Variants in TXNDC11 observed in about 807,000 individuals in gnomAD.
TXNDC11 encodes the protein thioredoxin domain containing 11, also known as thioredoxin domain-containing protein 11.
A neutral mutation model predicts 78.0 loss-of-function variants in TXNDC11; 68 were observed. The observed-to-expected ratio is 0.87, with a 90% CI of 0.72 to 1.07. The LOEUF (loss-of-function observed/expected upper bound fraction) is 1.07, where lower values mean the gene tolerates loss of function less well. Among genes scored for constraint, TXNDC11 ranks in the 50% least tolerant of loss-of-function variants. TXNDC11 has a pLI of 0.00. For synonymous variants in TXNDC11, 571 were observed against 495.2 expected (o/e 1.15, Z -2.03); for missense variants, 1,389 against 1,221.8 (o/e 1.14, Z -2.04).
rs36041908 is a variant in TXNDC11 at position 11,696,025 on chromosome 16, C to CAA, written c.1107+2098_1107+2099dup. On this transcript the variant is annotated intron_variant, in intron 7 of 11. Transcript: ENST00000283033. ...TGGGCAACAAAGGAAGACCCTAACT[C>CAA]AAAAAAAAAAAAAAGAGAAGACAAA... Among the ~76,000 whole-genome samples, 568 of 133,764 alleles carry CAA rather than the reference C, an allele frequency of 4.2e-3. 3 individuals carry two copies. The highest frequency in any genetic ancestry group is 0.014 in the African/African-American group (518 of 37,312). The allele number at this position is 133,764 out of a possible 152,430, so 87.8% of individuals were successfully genotyped here.
At chr16:11,692,157 T>C in intron 7 of TXNDC11, 75 bp from the exon 8 acceptor site, 2 of 1,186,804 alleles carry the variant, frequency 1.7e-6, no homozygotes, top group South Asian at 1.7e-5. Context: ...CACGTTTCAC[T>C]TTCTGTAATT....
chr16:11,737,851 CAAAAAAAAA>C (rs538318388), intron 1 of TXNDC11, among the ~76,000 whole-genome samples: 1 of 54,182 alleles, frequency 1.8e-5, no homozygotes, highest in African/African-American at 7.2e-5. Context: ...CTACGTCTCT[CAAAAAAAAA>C]AAAAAAAAAA....
chr16:11,726,579 CAAAAA>C (rs35512803), intron 4 of TXNDC11, among the ~76,000 whole-genome samples: 2 of 82,998 alleles, frequency 2.4e-5, no homozygotes, highest in Admixed American at 1.5e-4. Context: ...GACTCCACCT[CAAAAA>C]AAAAAAAAAA....
At chr16:11,733,858 T>C (rs938636022) in intron 3 of TXNDC11, 124 bp downstream of exon 3, 4 of 674,072 alleles carry the variant, frequency 5.9e-6, no homozygotes, top group Non-Finnish European at 1.0e-5. Flanking sequence ...TAATTTTTGC[T>C]TATCTGTATT....
chr16:11,715,689 T>G (rs1382874560), intron 5 of TXNDC11, among the ~76,000 whole-genome samples: 1 of 152,140 alleles, frequency 6.6e-6, no homozygotes. Context: ...GCCATCAAGG[T>G]CCTCAGTAAA....
At chr16:11,707,043 G>A (rs1443388965) in intron 5 of TXNDC11, among the ~76,000 whole-genome samples, 11 of 151,932 alleles carry the variant, frequency 7.2e-5, no homozygotes, top group African/African-American at 2.2e-4. Flanking sequence ...GTATATTTGG[G>A]GATCCTAGAA....
chr16:11,733,505 C>A (rs1210308422), intron 3 of TXNDC11, among the ~76,000 whole-genome samples: 1 of 151,042 alleles, frequency 6.6e-6, no homozygotes, highest in East Asian at 1.9e-4. Flanking sequence ...CCAGCCTGGG[C>A]AACAGAGTGA....
At chr16:11,704,948 C>T (rs1002265781) in intron 5 of TXNDC11, among the ~76,000 whole-genome samples, 6 of 150,378 alleles carry the variant, frequency 4.0e-5, no homozygotes, top group African/African-American at 1.2e-4. Flanking sequence ...CTTGTTCTGT[C>T]GCCCAGGCTG....
intron 1 of TXNDC11, chr16:11,742,201 C>A: frequency 2.5e-6 from 1 of 402,484 alleles, no homozygotes; most frequent in Non-Finnish European, 4.4e-6. Flanking sequence ...GTGACTCCAA[C>A]AGGTGAGGAG....
chr16:11,679,873 C>T lies in TXNDC11; in HGVS notation c.2235-36G>A. On this transcript the variant is annotated intron_variant, in intron 11 of 11. Coordinates refer to ENST00000283033, the MANE Select transcript of TXNDC11 (RefSeq NM_015914.7). The surrounding 1 kb of genome is among the most constrained non-coding windows in gnomAD (Gnocchi z 4.6). ...AGGGAAAGGAAGCAAAGACAGGAGT[C>T]ACACCAACACAATGAGTCCAAAAGC... is the stretch of plus-strand genomic sequence containing the variant. 1 of 1,570,688 alleles carries T rather than the reference C, an allele frequency of 6.4e-7. No individual in the cohort carries two copies. The highest frequency in any genetic ancestry group is 8.7e-7 in the Non-Finnish European group (1 of 1,151,708).
At chr16:11,736,812 T>C (rs1410916496) in intron 1 of TXNDC11, among the ~76,000 whole-genome samples, 2 of 152,144 alleles carry the variant, frequency 1.3e-5, no homozygotes, top group Non-Finnish European at 2.9e-5. Context: ...TGAAGATAAG[T>C]AACAAAGCAA....
rs904040776 is a variant in TXNDC11 at position 11,742,536 on chromosome 16, C to A, written c.195G>T (p.Leu65=). ...AGCCGAGCGCCACGGCCCCGCAGAG[C>A]AGCTCCGGCCGCTGGCGCGCCATGA... The part of the protein sequence containing the change: ...AFLMARQRPE[L]LCGAVALGCA... Residue 65 remains leucine (L), a synonymous_variant, in exon 1 of 12, where the codon CTG becomes CTT. Transcript: ENST00000283033. 3.2e-5 allele frequency: 47 copies of A among 1,459,502 alleles called. No homozygotes were observed. The highest frequency in any genetic ancestry group is 4.0e-5 in the Non-Finnish European group (45 of 1,113,454). 90.4% of individuals were successfully genotyped at this position (1,459,502 alleles called of 1,614,324 possible). A position where few individuals can be genotyped will look rare whatever the true frequency, so the allele number is the denominator to read the frequency against.
chr16:11,711,842 C>T (rs949045189), intron 5 of TXNDC11, among the ~76,000 whole-genome samples: 14 of 152,194 alleles, frequency 9.2e-5, no homozygotes, highest in African/African-American at 3.4e-4. Context: ...ACACTTCCTA[C>T]TTCAAAGGGT....
chr16:11,707,020 T>C (rs1190484962), intron 5 of TXNDC11, among the ~76,000 whole-genome samples: 1 of 152,144 alleles, frequency 6.6e-6, no homozygotes, highest in Non-Finnish European at 1.5e-5. Context: ...GGGACTTGAG[T>C]ATGCAAATTC....
In TXNDC11 at chr16:11,721,362, A is replaced by G. The variant is rs148522234; in HGVS notation, c.793+215T>C. On this transcript the variant is annotated intron_variant, in intron 5 of 11. Transcript: ENST00000283033. Reference sequence around the variant, plus strand: ...AGGCTGAGGCAGGAGAATCGCTTGAACCCGGGAGGCAGATTCCAGTGAGCC... The same window carrying G: ...AGGCTGAGGCAGGAGAATCGCTTGAGCCCGGGAGGCAGATTCCAGTGAGCC... The G allele has an allele frequency of 1.9e-3, 569 of 302,638 alleles. 3 individuals carry two copies. Among genetic ancestry groups the G allele is most frequent in the African/African-American group, 0.012 (523 of 44,756 alleles). The allele number at this position is 302,638 out of a possible 1,614,324, so 18.7% of individuals were successfully genotyped here. A position where few individuals can be genotyped will look rare whatever the true frequency, so the allele number is the denominator to read the frequency against.
intron 10 of TXNDC11, among the ~76,000 whole-genome samples, chr16:11,685,562 T>C (rs905703283): frequency 2.6e-5 from 4 of 151,292 alleles, no homozygotes; most frequent in African/African-American, 9.8e-5. Flanking sequence ...GGCAGGAGAA[T>C]GGCGTGAACC....
intron 6 of TXNDC11, among the ~76,000 whole-genome samples, chr16:11,699,074 G>C (rs1236115476): frequency 1.3e-5 from 2 of 152,162 alleles, no homozygotes; most frequent in Non-Finnish European, 2.9e-5. Context: ...AGAGGGTTCT[G>C]AAAAATGAGA....
At chr16:11,722,178 G>A (rs1483500386) in intron 4 of TXNDC11, among the ~76,000 whole-genome samples, 1 of 152,030 alleles carries the variant, frequency 6.6e-6, no homozygotes, top group Non-Finnish European at 1.5e-5. Flanking sequence ...CTGTAATCAA[G>A]CCCCTTCAAC....
intron 11 of TXNDC11, among the ~76,000 whole-genome samples, chr16:11,683,437 G>A (rs546359936): frequency 8.5e-5 from 13 of 152,348 alleles, no homozygotes; most frequent in African/African-American, 3.1e-4. Context: ...TCCTCTGTAC[G>A]AGAGGGATGA....
Sources: gnomAD v4.1 joint callset for allele counts (sites outside exome capture counted in the v4.1 genomes callset) on GRCh38, gnomAD v4.1.1 for gene constraint, Gnocchi (gnomAD v3.1) non-coding constraint, MANE v1.5 for transcripts, NCBI Gene and HGNC (gene_info 2026-07-23, HGNC 2026-07-21) for gene names.